Variants in NTRK3 observed in about 807,000 individuals in gnomAD.
NTRK3 encodes the protein neurotrophic receptor tyrosine kinase 3, also known as NT-3 growth factor receptor.
In NTRK3, 24 loss-of-function variants were observed where a neutral mutation model predicts 91.7. That is an observed-to-expected ratio of 0.26 (90% CI 0.19 to 0.37). The LOEUF (loss-of-function observed/expected upper bound fraction) is 0.37, where lower values mean the gene tolerates loss of function less well. Among genes scored for constraint, NTRK3 ranks in the 10% least tolerant of loss-of-function variants. NTRK3 has a pLI of 1.00. For missense variants in NTRK3, 880 were observed against 1,068.9 expected (o/e 0.82, Z 2.46); for synonymous variants, 483 against 404.0 (o/e 1.20, Z -2.34).
At chr15:88,055,387 C>T (rs556974595) in intron 13 of NTRK3, among the ~76,000 whole-genome samples, 1 of 152,282 alleles carries the variant, frequency 6.6e-6, no homozygotes, top group South Asian at 2.1e-4. Context: ...AATTTTTGGA[C>T]TGGACTCAAA....
At chr15:87,875,060 G>A (rs1266263411) in exon 19 of NTRK3, 3 of 230,476 alleles carry the variant, frequency 1.3e-5, no homozygotes, top group African/African-American at 6.6e-5. Context: ...ACAAAAAGAA[G>A]CAAAACCACA....
intron 3 of NTRK3, among the ~76,000 whole-genome samples, chr15:88,250,413 T>G (rs1205575950): frequency 6.6e-6 from 1 of 152,226 alleles, no homozygotes; most frequent in East Asian, 1.9e-4. Flanking sequence ...ACTCAACAAT[T>G]GTAAACTAAA....
intron 5 of NTRK3, among the ~76,000 whole-genome samples, chr15:88,150,831 C>T (rs977293804): frequency 2.0e-5 from 3 of 152,160 alleles, no homozygotes; most frequent in Non-Finnish European, 4.4e-5. Flanking sequence ...GGCCACCCTG[C>T]CCTCACCGGC....
At chr15:88,044,557 G>A (rs1234780664) in intron 13 of NTRK3, among the ~76,000 whole-genome samples, 1 of 149,558 alleles carries the variant, frequency 6.7e-6, no homozygotes, top group East Asian at 2.0e-4. Context: ...CACCACGCCT[G>A]GCCCACCACA....
At chr15:88,024,345 C>T (rs760325536) in intron 14 of NTRK3, among the ~76,000 whole-genome samples, 2 of 152,036 alleles carry the variant, frequency 1.3e-5, no homozygotes, top group Non-Finnish European at 2.9e-5. Context: ...CCAGGAACTC[C>T]ACACTACTGC....
intron 17 of NTRK3, among the ~76,000 whole-genome samples, chr15:87,913,847 T>G (rs946643057): frequency 2.6e-5 from 4 of 152,216 alleles, no homozygotes; most frequent in African/African-American, 9.6e-5. Context: ...GCTCTTAGGC[T>G]ATCATGGCTG....
At chr15:87,931,250 T>C (rs1329245342) in intron 16 of NTRK3, 1 of 517,656 alleles carries the variant, frequency 1.9e-6, no homozygotes, top group Admixed American at 1.9e-5. Context: ...AATGTAAGGA[T>C]AGGATGTGGT....
At chr15:88,009,880 A>T (rs2141740744) in intron 14 of NTRK3, among the ~76,000 whole-genome samples, 1 of 152,310 alleles carries the variant, frequency 6.6e-6, no homozygotes, top group South Asian at 2.1e-4. Context: ...AGAAAAAAGC[A>T]CACTACAGAC....
intron 14 of NTRK3, among the ~76,000 whole-genome samples, chr15:88,025,862 T>A (rs375222212): frequency 6.6e-5 from 10 of 152,214 alleles, no homozygotes; most frequent in African/African-American, 2.4e-4. Context: ...GTGATAAAAA[T>A]AAATGAGAAT....
intron 14 of NTRK3, among the ~76,000 whole-genome samples, chr15:88,029,170 C>T (rs550110659): frequency 5.3e-5 from 8 of 152,316 alleles, no homozygotes; most frequent in African/African-American, 1.4e-4. Context: ...CTTTATTAGG[C>T]TTTGGGTTCT....
At chr15:88,247,295 A>T (rs367555953) in intron 3 of NTRK3, among the ~76,000 whole-genome samples, 6 of 152,310 alleles carry the variant, frequency 3.9e-5, no homozygotes, top group African/African-American at 1.4e-4. Flanking sequence ...CAACAGGCGG[A>T]TGGAGACCCA....
intron 13 of NTRK3, among the ~76,000 whole-genome samples, chr15:88,044,902 G>T (rs917658519): frequency 6.6e-6 from 1 of 152,202 alleles, no homozygotes; most frequent in African/African-American, 2.4e-5. Flanking sequence ...AGTTCCACAA[G>T]CCCTGAAGGT....
chr15:88,039,341 G>C (rs1348238586), intron 13 of NTRK3, among the ~76,000 whole-genome samples: 1 of 152,184 alleles, frequency 6.6e-6, no homozygotes, highest in Admixed American at 6.5e-5. Context: ...GGGAACAGAG[G>C]TCTGCACAGA....
chr15:88,175,272 T>C (rs1192316120), intron 5 of NTRK3, among the ~76,000 whole-genome samples: 1 of 152,208 alleles, frequency 6.6e-6, no homozygotes, highest in Admixed American at 6.5e-5. Context: ...AGCCTCCATC[T>C]GGAACAGTAA....
intron 18 of NTRK3, among the ~76,000 whole-genome samples, chr15:87,879,272 T>G (rs1283477172): frequency 6.6e-6 from 1 of 152,182 alleles, no homozygotes; most frequent in African/African-American, 2.4e-5. Context: ...GTCTTGTGTT[T>G]ACATTTTCCC....
chr15:88,085,954 A>G (rs559291924), intron 13 of NTRK3, among the ~76,000 whole-genome samples: 1 of 152,372 alleles, frequency 6.6e-6, no homozygotes, highest in African/African-American at 2.4e-5. Context: ...ATAGTATGTG[A>G]TACAGATGAT....
chr15:87,952,300 C>T lies in NTRK3; in HGVS notation c.1586-11547G>A, dbSNP rs182389469. 3.9e-5 allele frequency among the ~76,000 whole-genome samples: 6 copies of T among 152,268 alleles called. No individual in the cohort carries two copies. The East Asian group carries it at 9.6e-4, about 24-fold the overall frequency. The stretch of plus-strand genomic sequence containing the variant: ...AGAAAGAAAGAAAAGAAAGACTCCT[C>T]TTTCCTCTTCTTCCTAACGTGCTTA... On this transcript the variant is annotated intron_variant, in intron 14 of 18. Transcript: ENST00000394480.
rs12595296 is a variant in NTRK3 at position 88,192,948 on chromosome 15, T to C, written c.249-8649A>G. Among the ~76,000 whole-genome samples, 175 of 152,256 alleles carry C rather than the reference T, an allele frequency of 1.1e-3. 4 individuals carry two copies. The East Asian group carries it at 0.031, about 27-fold the overall frequency. On this transcript the variant is annotated intron_variant, in intron 3 of 18. Coordinates refer to ENST00000394480, the Ensembl canonical transcript of NTRK3. ...ACAGCCCTTAATAACCATCTGTAATTGTCTTATTAGATTATTTGATTATGT... is the reference window on the plus strand; with the variant it reads ...ACAGCCCTTAATAACCATCTGTAATCGTCTTATTAGATTATTTGATTATGT...
chr15:87,900,963 GAGA>G (rs1024853209), intron 17 of NTRK3, among the ~76,000 whole-genome samples: 3 of 152,176 alleles, frequency 2.0e-5, no homozygotes, highest in Non-Finnish European at 4.4e-5. Flanking sequence ...CTGGCCCTGT[GAGA>G]AGGTTAGAGC....
Sources: allele counts gnomAD v4.1 joint callset (sites outside exome capture counted in the v4.1 genomes callset), GRCh38; gene constraint gnomAD v4.1.1; transcripts MANE v1.5; gene names NCBI Gene and HGNC (gene_info 2026-07-23, HGNC 2026-07-21).